Variants in KAZN observed in about 807,000 individuals in gnomAD.
The protein encoded by KAZN is kazrin, periplakin interacting protein.
Under a neutral mutation model 87.4 loss-of-function variants are expected in KAZN, and 40 were observed. That is an observed-to-expected ratio of 0.46 (90% CI 0.36 to 0.60). The LOEUF (loss-of-function observed/expected upper bound fraction) is 0.60. Among genes scored for constraint, KAZN ranks in the 20% least tolerant of loss-of-function variants. The pLI, the probability that KAZN is intolerant of heterozygous loss-of-function variation, is 0.00. For synonymous variants in KAZN, 466 were observed against 458.3 expected, an observed-to-expected ratio of 1.02 and a Z score of -0.22; for missense variants, 898 against 1,073.9, an observed-to-expected ratio of 0.84 and a Z score of 2.29.
intron 1 of KAZN, among the ~76,000 whole-genome samples, chr1:14,634,705 G>A (rs1040961319): frequency 3.3e-5 from 5 of 152,188 alleles, no homozygotes; most frequent in African/African-American, 1.2e-4. Flanking sequence ...CTCATGGTAG[G>A]CTTTGGAGAG....
At chr1:14,962,293 T>C (rs10492985) in intron 2 of KAZN, among the ~76,000 whole-genome samples, 13,416 of 152,240 alleles carry the variant, frequency 0.088, 1,778 homozygotes, top group African/African-American at 0.29. Flanking sequence ...ACATGTTGCT[T>C]TCCAAGGCAG....
At chr1:14,350,278 T>G (rs1298307749) in intron 2 of KAZN, among the ~76,000 whole-genome samples, 2 of 152,130 alleles carry the variant, frequency 1.3e-5, no homozygotes, top group African/African-American at 4.8e-5. Flanking sequence ...CTGTGGCCAC[T>G]GATTACCCAT....
chr1:15,046,297 C>CAAAAAAAAAAAAAAAAAAA (rs55932579), intron 4 of KAZN, among the ~76,000 whole-genome samples: 1 of 134,326 alleles, frequency 7.4e-6, no homozygotes, highest in Admixed American at 7.3e-5. Context: ...GACTCCGTCT[C>CAAAAAAAAAAAAAAAAAAA]AAAAAAAAAA....
At chr1:14,042,053 T>A (rs1323179436) in intron 1 of KAZN, among the ~76,000 whole-genome samples, 1 of 152,170 alleles carries the variant, frequency 6.6e-6, no homozygotes, top group Non-Finnish European at 1.5e-5. Flanking sequence ...TTATGTCTGG[T>A]ACTGGGAAAT....
chr1:14,298,651 C>T (rs1020493359), intron 2 of KAZN, among the ~76,000 whole-genome samples: 3 of 152,160 alleles, frequency 2.0e-5, no homozygotes, highest in Non-Finnish European at 4.4e-5. Flanking sequence ...TGAAAGTACA[C>T]CTGGCACATG....
At chr1:14,679,063 C>T (rs952731984) in intron 1 of KAZN, among the ~76,000 whole-genome samples, 15 of 152,324 alleles carry the variant, frequency 9.8e-5, no homozygotes, top group African/African-American at 3.4e-4. Context: ...GCCAGACACT[C>T]GTCACGCTTG....
At chr1:14,646,521 C>T (rs1680821378) in intron 1 of KAZN, among the ~76,000 whole-genome samples, 1 of 152,156 alleles carries the variant, frequency 6.6e-6, no homozygotes, top group African/African-American at 2.4e-5. Flanking sequence ...ACCAAGGTAT[C>T]CCCTTTGTTG....
Position 14,396,900 on chromosome 1 carries a change from G to GTTTT in KAZN, c.250-202074_250-202071dup, listed in dbSNP as rs33945798. On this transcript the variant is annotated intron_variant, in intron 2 of 16. Transcript: ENST00000636203. ...AGATTCCATTTTCTCTGCTCTATGA[G>GTTTT]TTTTTTTTTTTTACTTAGAACAAGA... Among the ~76,000 whole-genome samples the GTTTT allele has an allele frequency of 4.9e-4, 73 of 149,928 alleles. 1 individual carries two copies. The highest frequency in any genetic ancestry group is 4.0e-3 in the South Asian group (19 of 4,746).
intron 1 of KAZN, among the ~76,000 whole-genome samples, chr1:14,782,448 T>G (rs940920814): frequency 6.8e-6 from 1 of 147,564 alleles, no homozygotes; most frequent in African/African-American, 2.5e-5. Context: ...CTGGGAAGGC[T>G]GAGGCAGGAG....
chr1:14,644,485 C>T (rs1680661534), intron 1 of KAZN, among the ~76,000 whole-genome samples: 1 of 151,884 alleles, frequency 6.6e-6, no homozygotes, highest in Admixed American at 6.6e-5. Flanking sequence ...CCTCAGCCTC[C>T]CGAGTAGCTG....
At chr1:14,734,065 T>C (rs1467262388) in intron 1 of KAZN, among the ~76,000 whole-genome samples, 1 of 152,156 alleles carries the variant, frequency 6.6e-6, no homozygotes, top group Non-Finnish European at 1.5e-5. Context: ...GGGTGAGCAG[T>C]GGGAATCACA....
intron 2 of KAZN, among the ~76,000 whole-genome samples, chr1:14,352,394 C>T (rs1658622535): frequency 6.6e-6 from 1 of 152,016 alleles, no homozygotes; most frequent in Non-Finnish European, 1.5e-5. Flanking sequence ...TATGGTCTTC[C>T]CTGAGTCCAG....
chr1:14,167,867 C>G (rs1384430623), intron 1 of KAZN, among the ~76,000 whole-genome samples: 1 of 152,184 alleles, frequency 6.6e-6, no homozygotes, highest in Non-Finnish European at 1.5e-5. Context: ...CCAGACAAAA[C>G]TGGGGGCCAG....
chr1:15,076,505 G>T (rs1443280054), intron 8 of KAZN, among the ~76,000 whole-genome samples: 2 of 152,174 alleles, frequency 1.3e-5, no homozygotes, highest in Non-Finnish European at 2.9e-5. Flanking sequence ...CTGTTGCAAA[G>T]ATAAAATAGT....
At chr1:13,935,900 G>A (rs7541726) in intron 1 of KAZN, among the ~76,000 whole-genome samples, 61,932 of 141,226 alleles carry the variant, frequency 0.44, 15,778 homozygotes, top group Middle Eastern at 0.56. Flanking sequence ...GTGTGTGTGT[G>A]TAGAATCAGA....
At chr1:14,307,164 G>T (rs1461978843) in intron 2 of KAZN, among the ~76,000 whole-genome samples, 1 of 152,106 alleles carries the variant, frequency 6.6e-6, no homozygotes, top group Non-Finnish European at 1.5e-5. Flanking sequence ...GTGAAGTCCT[G>T]CCTGATCACC....
At position 14,584,305 on chromosome 1, in the gene KAZN, G is replaced by A. The variant is rs561347345; in HGVS notation, c.250-14678G>A. Among the ~76,000 whole-genome samples the A allele has an allele frequency of 1.5e-4, 23 of 152,330 alleles. No homozygotes were observed. The East Asian group carries it at 2.1e-3, about 14-fold the overall frequency. The stretch of plus-strand genomic sequence containing the variant: ...AGAGAAGCTGTCTTTTTCCTTTGAG[G>A]CAGCTAAGGTAGAATGAGGTAAGCC... On this transcript the variant is annotated intron_variant, in intron 2 of 16. Coordinates refer to the KAZN transcript ENST00000636203.
chr1:14,745,427 A>G (rs931130367), intron 1 of KAZN, among the ~76,000 whole-genome samples: 6 of 152,204 alleles, frequency 3.9e-5, no homozygotes, highest in African/African-American at 1.2e-4. Flanking sequence ...TGCTGGTTGC[A>G]AAGCCAAGAG....
chr1:15,043,060 G>A (rs1673079144), intron 3 of KAZN, among the ~76,000 whole-genome samples: 1 of 152,208 alleles, frequency 6.6e-6, no homozygotes, highest in African/African-American at 2.4e-5. Flanking sequence ...GCCCTTCCCT[G>A]GACAATCACA....
Sources: gnomAD v4.1 joint callset for allele counts (sites outside exome capture counted in the v4.1 genomes callset) on GRCh38, gnomAD v4.1.1 for gene constraint, MANE v1.5 for transcripts, NCBI Gene and HGNC (gene_info 2026-07-23, HGNC 2026-07-21) for gene names.